Variants in GFRA1 observed in about 807,000 individuals in gnomAD.
GFRA1 encodes the protein GDNF family receptor alpha-1.
GFRA1 carries 16 observed loss-of-function variants against 51.6 expected under a neutral mutation model. The observed-to-expected ratio is 0.31, with a 90% confidence interval of 0.21 to 0.47. The LOEUF is 0.47. Ranked by LOEUF, GFRA1 falls within the 20% of genes least tolerant of loss-of-function variation. GFRA1 has a pLI of 1.00. For synonymous variants in GFRA1, 270 were observed against 241.3 expected (o/e 1.12, Z -1.10); for missense variants, 530 against 594.3 (o/e 0.89, Z 1.13).
chr10:116,138,410 T>C (rs1958421458), intron 5 of GFRA1, among the ~76,000 whole-genome samples: 1 of 152,154 alleles, frequency 6.6e-6, no homozygotes, highest in Non-Finnish European at 1.5e-5. Context: ...CTTATTTTCC[T>C]ACTAAATCCT....
rs557175351 is a variant in GFRA1 at position 116,058,041 on chromosome 10, T to TGTGTGAGAGA, written c.*6356_*6357insTCTCTCACAC. The TGTGTGAGAGA allele has an allele frequency of 2.8e-5, 3 of 108,444 alleles. No homozygotes were observed. The highest frequency in any genetic ancestry group is 3.2e-4 in the South Asian group (1 of 3,172). 6.7% of individuals were successfully genotyped at this position (108,444 alleles called of 1,614,324 possible). ...GTGTGTGTGTGTGTGTGTGTGTGTGTGACAGAGAGAACCACGCTTTATTGG... is the reference window on the plus strand; with the variant it reads ...GTGTGTGTGTGTGTGTGTGTGTGTGTGTGTGAGAGAGACAGAGAGAACCACGCTTTATTGG... On this transcript the variant is annotated 3_prime_UTR_variant, in exon 11 of 11. Transcript: ENST00000355422.
intron 4 of GFRA1, among the ~76,000 whole-genome samples, chr10:116,238,561 C>G (rs1967091852): frequency 6.6e-6 from 1 of 152,170 alleles, no homozygotes; most frequent in South Asian, 2.1e-4. Flanking sequence ...AATGCACACC[C>G]ATCTTTCCTC....
intron 4 of GFRA1, among the ~76,000 whole-genome samples, chr10:116,229,352 T>C (rs881726): frequency 0.19 from 29,074 of 151,908 alleles, 3,575 homozygotes; most frequent in South Asian, 0.36. Flanking sequence ...CAAGTATTTC[T>C]GTAGAATGAC....
chr10:116,265,689 C>T (rs12414695), intron 4 of GFRA1, among the ~76,000 whole-genome samples: 28,469 of 152,078 alleles, frequency 0.19, 4,003 homozygotes, highest in African/African-American at 0.39. Flanking sequence ...GCATTGCGCA[C>T]GGTGGCTTCT....
At chr10:116,096,868 TGCACAC>T (rs66851912) in intron 6 of GFRA1, 104 bp from the exon 7 acceptor site, 323,929 of 623,606 alleles carry the variant, frequency 0.52, 48,466 homozygotes, top group Non-Finnish European at 0.55. Flanking sequence ...TGCCTTTTTC[TGCACAC>T]GCACACGCAC....
chr10:116,083,687 G>A (rs1011514921), intron 9 of GFRA1, among the ~76,000 whole-genome samples: 39 of 152,110 alleles, frequency 2.6e-4, no homozygotes, highest in African/African-American at 9.2e-4. Context: ...CCTTCCCACC[G>A]CATCTAGACT....
chr10:116,119,226 A>G (rs1461781041), intron 6 of GFRA1, among the ~76,000 whole-genome samples: 2 of 152,166 alleles, frequency 1.3e-5, no homozygotes, highest in Non-Finnish European at 2.9e-5. Context: ...GGGCAGCAGC[A>G]GATGTCAGAG....
intron 5 of GFRA1, among the ~76,000 whole-genome samples, chr10:116,179,482 C>G (rs1326868784): frequency 2.6e-5 from 4 of 152,122 alleles, no homozygotes; most frequent in Non-Finnish European, 5.9e-5. Flanking sequence ...GTGACTAGCC[C>G]AAGGTCTCAT....
intron 9 of GFRA1, among the ~76,000 whole-genome samples, chr10:116,083,337 T>C (rs1306754341): frequency 6.6e-6 from 1 of 152,168 alleles, no homozygotes; most frequent in African/African-American, 2.4e-5. Context: ...AGGCCTCCTC[T>C]CCTCCCAGTC....
At chr10:116,064,573 C>G in intron 10 of GFRA1, 29 bp from the exon 11 acceptor site, 2 of 1,591,912 alleles carry the variant, frequency 1.3e-6, no homozygotes, top group Non-Finnish European at 1.7e-6. Flanking sequence ...TCATTATCAT[C>G]CACTGCATGT....
chr10:116,071,917 G>A (rs1340662099), intron 9 of GFRA1, among the ~76,000 whole-genome samples: 1 of 151,712 alleles, frequency 6.6e-6, no homozygotes, highest in East Asian at 1.9e-4. Flanking sequence ...CATAAGCCAC[G>A]CCTATAATTC....
At chr10:116,148,185 C>T (rs1467042370) in intron 5 of GFRA1, among the ~76,000 whole-genome samples, 3 of 151,764 alleles carry the variant, frequency 2.0e-5, no homozygotes, top group East Asian at 3.9e-4. Context: ...TTTCACCTTA[C>T]AACACTTTAA....
At chr10:116,226,453 C>G (rs544971834) in intron 4 of GFRA1, among the ~76,000 whole-genome samples, 152 of 152,248 alleles carry the variant, frequency 1.0e-3, no homozygotes, top group African/African-American at 3.5e-3. Flanking sequence ...GGGATTTCAT[C>G]GACAAGCGGC....
chr10:116,198,130 C>T (rs1301160134), intron 5 of GFRA1, among the ~76,000 whole-genome samples: 1 of 152,174 alleles, frequency 6.6e-6, no homozygotes, highest in Non-Finnish European at 1.5e-5. Context: ...CTAGGAAGCC[C>T]CAAACCACAG....
intron 5 of GFRA1, among the ~76,000 whole-genome samples, chr10:116,210,679 G>A (rs1416971079): frequency 6.6e-6 from 1 of 152,184 alleles, no homozygotes; most frequent in Non-Finnish European, 1.5e-5. Context: ...AACACACGCT[G>A]CCTGTTTGGG....
chr10:116,246,387 C>T lies in GFRA1; in HGVS notation c.418+23116G>A, dbSNP rs551555812. Among the ~76,000 whole-genome samples, 136 of 152,186 alleles carry T rather than the reference C, an allele frequency of 8.9e-4. 1 individual carries two copies. The highest frequency in any genetic ancestry group is 3.0e-3 in the African/African-American group (125 of 41,520). ...CAGAGGTTGCAGTGAGACGAGGTTG[C>T]GCCATTGCACTCCAGCCTGGGCAAC... On this transcript the variant is annotated intron_variant, in intron 4 of 10. Coordinates refer to ENST00000355422, the MANE Select transcript of GFRA1 (RefSeq NM_005264.8).
intron 4 of GFRA1, among the ~76,000 whole-genome samples, chr10:116,261,744 C>A (rs1969317387): frequency 1.3e-5 from 2 of 152,166 alleles, no homozygotes; most frequent in Admixed American, 1.3e-4. Context: ...ATGTAAGATT[C>A]AATATACGGG....
intron 2 of GFRA1, among the ~76,000 whole-genome samples, chr10:116,271,678 GC>G (rs1296805399): frequency 2.0e-5 from 3 of 152,170 alleles, no homozygotes; most frequent in African/African-American, 2.4e-5. Context: ...GCCCGCCGCG[GC>G]TCCGCGAGCT....
At chr10:116,269,952 C>G (rs1461333628) in intron 3 of GFRA1, among the ~76,000 whole-genome samples, 3 of 152,136 alleles carry the variant, frequency 2.0e-5, no homozygotes, top group Non-Finnish European at 2.9e-5. Flanking sequence ...ACCCTTATTT[C>G]TGCTTGCTCC....
Sources: gnomAD v4.1 joint callset for allele counts (sites outside exome capture counted in the v4.1 genomes callset) on GRCh38, gnomAD v4.1.1 for gene constraint, MANE v1.5 for transcripts, NCBI Gene and HGNC (gene_info 2026-07-23, HGNC 2026-07-21) for gene names.